Variants in CBFA2T3 observed in about 807,000 individuals in gnomAD.
CBFA2T3 encodes CBFA2/RUNX1 partner transcriptional co-repressor 3.
A neutral mutation model predicts 58.6 loss-of-function variants in CBFA2T3; 31 were observed. The ratio of observed to expected loss-of-function variants is 0.53; its 90% confidence interval spans 0.40 to 0.71. The LOEUF is 0.71. CBFA2T3 is among the 30% of genes least tolerant of loss of function. CBFA2T3 has a pLI of 0.00. For missense variants in CBFA2T3, 1,076 were observed against 963.1 expected (o/e 1.12, Z -1.55); for synonymous variants, 531 against 421.9 (o/e 1.26, Z -3.17).
chr16:88,929,662 T>G (rs1310837020), intron 1 of CBFA2T3, among the ~76,000 whole-genome samples: 1 of 150,132 alleles, frequency 6.7e-6, no homozygotes, highest in Non-Finnish European at 1.5e-5. Flanking sequence ...AGCTGCGTGG[T>G]CCACGCAAAA....
At chr16:88,904,877 C>G (rs1367330835) in intron 1 of CBFA2T3, among the ~76,000 whole-genome samples, 1 of 152,180 alleles carries the variant, frequency 6.6e-6, no homozygotes, top group African/African-American at 2.4e-5. Context: ...AGCCAGGTGA[C>G]AGGAAGATGA....
intron 5 of CBFA2T3, among the ~76,000 whole-genome samples, chr16:88,891,122 C>A (rs879290806): frequency 4.6e-5 from 7 of 152,106 alleles, no homozygotes; most frequent in Non-Finnish European, 8.8e-5. Context: ...CTTCATCCAT[C>A]GGCCTGCGCA....
chr16:88,881,503 G>GCGCA lies in CBFA2T3; in HGVS notation c.1204-18_1204-15dup. 1 of 1,596,042 alleles carries GCGCA rather than the reference G, an allele frequency of 6.3e-7. No homozygotes were observed. Among genetic ancestry groups the GCGCA allele is most frequent in the South Asian group, 1.1e-5 (1 of 90,548 alleles). On this transcript the variant is annotated splice_polypyrimidine_tract_variant and intron_variant, in intron 8 of 11. Coordinates refer to ENST00000268679, the MANE Select transcript of CBFA2T3 (RefSeq NM_005187.6). ...GCAGTTCAGGAGCTGGGGGCGGGCG[G>GCGCA]CGCAGCCTTCAGCACCTCAGAGGGA...
intron 1 of CBFA2T3, among the ~76,000 whole-genome samples, chr16:88,909,644 C>A (rs1172949789): frequency 1.3e-5 from 2 of 152,236 alleles, no homozygotes; most frequent in East Asian, 1.9e-4. Context: ...ATCACACGGT[C>A]CCACAGCTTC....
At chr16:88,967,050 C>T (rs537760913) in intron 1 of CBFA2T3, among the ~76,000 whole-genome samples, 63 of 152,256 alleles carry the variant, frequency 4.1e-4, no homozygotes, top group African/African-American at 1.3e-3. Context: ...GGGAAATTGA[C>T]GCACTCAACC....
At chr16:88,932,411 G>C (rs748847330) in intron 1 of CBFA2T3, among the ~76,000 whole-genome samples, 1 of 151,948 alleles carries the variant, frequency 6.6e-6, no homozygotes, top group Non-Finnish European at 1.5e-5. Flanking sequence ...GAGGTGGGAG[G>C]ATCGTTTGAG....
intron 1 of CBFA2T3, among the ~76,000 whole-genome samples, chr16:88,925,259 C>G (rs542013165): frequency 6.6e-6 from 1 of 152,334 alleles, no homozygotes; most frequent in South Asian, 2.1e-4. Context: ...GGCTTGGGCA[C>G]GGTGCAGCCG....
Position 88,876,864 on chromosome 16 carries a change from G to T in CBFA2T3, c.*112C>A. ...TTGGTCGGCTCCCCCAGGTCAGGCG[G>T]GGCGCAGTGTCTGGCAGGCCAGGCA... On this transcript the variant is annotated 3_prime_UTR_variant, in exon 12 of 12. Coordinates refer to ENST00000268679, the MANE Select transcript of CBFA2T3 (RefSeq NM_005187.6). 2 of 840,130 alleles carry T rather than the reference G, an allele frequency of 2.4e-6. No homozygotes were observed. Among genetic ancestry groups the T allele is most frequent in the Admixed American group, 3.7e-5 (1 of 26,692 alleles). The allele number at this position is 840,130 out of a possible 1,614,324, so 52.0% of individuals were successfully genotyped here.
chr16:88,962,457 G>A (rs1355185695), intron 1 of CBFA2T3, among the ~76,000 whole-genome samples: 6 of 152,232 alleles, frequency 3.9e-5, no homozygotes, highest in Admixed American at 3.9e-4. Flanking sequence ...TCCTGTGGGG[G>A]ACGCTGAGGC....
At chr16:88,966,394 C>T (rs888387453) in intron 1 of CBFA2T3, among the ~76,000 whole-genome samples, 10 of 152,150 alleles carry the variant, frequency 6.6e-5, no homozygotes, top group South Asian at 2.1e-4. Context: ...CGGGGGATCG[C>T]GAGTCCACAG....
chr16:88,969,741 T>TGGCAGGTGCCGGGG (rs1972602178), intron 1 of CBFA2T3, among the ~76,000 whole-genome samples: 1 of 151,860 alleles, frequency 6.6e-6, no homozygotes, highest in South Asian at 2.1e-4. Flanking sequence ...AGGGTGCGAG[T>TGGCAGGTGCCGGGG]GGCAGGTGCC....
chr16:88,898,675 G>A lies in CBFA2T3; in HGVS notation c.305-523C>T, dbSNP rs191307440. On this transcript the variant is annotated intron_variant, in intron 2 of 11. Coordinates refer to ENST00000268679, the MANE Select transcript of CBFA2T3 (RefSeq NM_005187.6). The stretch of plus-strand genomic sequence containing the variant: ...CTAAAAGCGACCTGAGACTCGGCTT[G>A]GAGTCTCTGAAACAAAGCCCTGGGT... Among the ~76,000 whole-genome samples, 8 of 152,330 alleles carry A rather than the reference G, an allele frequency of 5.3e-5. 1 individual carries two copies. Among genetic ancestry groups the A allele is most frequent in the African/African-American group, 1.9e-4 (8 of 41,578 alleles).
In CBFA2T3 at chr16:88,925,668, C is replaced by T. The variant is rs545601016; in HGVS notation, c.152-24012G>A. Among the ~76,000 whole-genome samples, 55 of 152,324 alleles carry T rather than the reference C, an allele frequency of 3.6e-4. 1 individual carries two copies. Among genetic ancestry groups the T allele is most frequent in the African/African-American group, 1.2e-3 (48 of 41,568 alleles). On this transcript the variant is annotated intron_variant, in intron 1 of 11. Coordinates refer to ENST00000268679, the MANE Select transcript of CBFA2T3 (RefSeq NM_005187.6). ...TCTCCCTCCAGGGCACCAGGGTAAC[C>T]GGAGGCTTCTAGTTTCTTCAGGGGC... is the stretch of plus-strand genomic sequence containing the variant.
chr16:88,928,839 C>G (rs1971175555), intron 1 of CBFA2T3, among the ~76,000 whole-genome samples: 1 of 152,188 alleles, frequency 6.6e-6, no homozygotes, highest in African/African-American at 2.4e-5. Context: ...CTGAGCAAGG[C>G]CTGAAGGAGG....
At position 88,885,810 on chromosome 16, in the gene CBFA2T3, C is replaced by T. The variant is rs1969344117; in HGVS notation, c.893+151G>A. ...CCGTGCAGCCACCAAGCCTGCTGGC[C>T]CTAGTACACCTCGCCACGCTCCCTC... On this transcript the variant is annotated intron_variant, in intron 6 of 11. Coordinates refer to ENST00000268679, the MANE Select transcript of CBFA2T3 (RefSeq NM_005187.6). The surrounding 1 kb of genome is among the most constrained non-coding windows in gnomAD (Gnocchi z 5.3). 6 of 668,414 alleles carry T rather than the reference C, an allele frequency of 9.0e-6. No homozygotes were observed. Among genetic ancestry groups the T allele is most frequent in the Non-Finnish European group, 1.0e-5 (4 of 393,844 alleles). The allele number at this position is 668,414 out of a possible 1,614,324, so 41.4% of individuals were successfully genotyped here.
intron 1 of CBFA2T3, among the ~76,000 whole-genome samples, chr16:88,963,896 T>C (rs1239046206): frequency 6.6e-6 from 1 of 152,158 alleles, no homozygotes; most frequent in African/African-American, 2.4e-5. Flanking sequence ...GGGTTCCTCA[T>C]CCCTCTGAGC....
At position 88,958,559 on chromosome 16, in the gene CBFA2T3, T is replaced by C. The variant is rs1270684124; in HGVS notation, c.151+18098A>G. Among the ~76,000 whole-genome samples, 1 of 152,070 alleles carries C rather than the reference T, an allele frequency of 6.6e-6. No homozygotes were observed. Among genetic ancestry groups the C allele is most frequent in the African/African-American group, 2.4e-5 (1 of 41,410 alleles). On this transcript the variant is annotated intron_variant, in intron 1 of 11. Coordinates refer to ENST00000268679, the MANE Select transcript of CBFA2T3 (RefSeq NM_005187.6). This position sits in a 1 kb window ranked among gnomAD's most constrained non-coding sequence, Gnocchi z 4.0. The stretch of plus-strand genomic sequence containing the variant: ...GCGTGTCGTCTGGAGCAGAAGCTGG[T>C]GGAGAGGTGTCCTTCCTATTTCTCA...
At chr16:88,934,956 G>A (rs1409584614) in intron 1 of CBFA2T3, among the ~76,000 whole-genome samples, 2 of 152,308 alleles carry the variant, frequency 1.3e-5, no homozygotes, top group East Asian at 1.9e-4. Context: ...TAGCCAGGAT[G>A]GTCTCGATCT....
At chr16:88,942,235 T>G (rs1971768714) in intron 1 of CBFA2T3, among the ~76,000 whole-genome samples, 1 of 152,196 alleles carries the variant, frequency 6.6e-6, no homozygotes, top group African/African-American at 2.4e-5. Flanking sequence ...TCTGGCGCAT[T>G]TGCCTGCTTA....
Sources: allele counts gnomAD v4.1 joint callset (sites outside exome capture counted in the v4.1 genomes callset), GRCh38; gene constraint gnomAD v4.1.1; non-coding constraint Gnocchi (gnomAD v3.1); transcripts MANE v1.5; gene names NCBI Gene and HGNC (gene_info 2026-07-23, HGNC 2026-07-21).